Variants in CNTNAP2 observed in about 807,000 individuals in gnomAD.
CNTNAP2 encodes contactin associated protein 2, also known as contactin-associated protein-like 2.
A neutral mutation model predicts 155.2 loss-of-function variants in CNTNAP2; 98 were observed. The ratio of observed to expected loss-of-function variants is 0.63; its 90% confidence interval spans 0.54 to 0.75. CNTNAP2 has a LOEUF of 0.75. Among genes scored for constraint, CNTNAP2 ranks in the 30% least tolerant of loss-of-function variants. The probability of loss-of-function intolerance (pLI) is 0.00; values close to 1 mark genes in which losing one functional copy is unlikely to be tolerated. For missense variants in CNTNAP2, 1,727 were observed against 1,688.1 expected (o/e 1.02, Z -0.40); for synonymous variants, 651 against 631.2 (o/e 1.03, Z -0.47).
chr7:146,870,271 G>C (rs1315792886), intron 3 of CNTNAP2, among the ~76,000 whole-genome samples: 1 of 150,244 alleles, frequency 6.7e-6, no homozygotes, highest in Non-Finnish European at 1.5e-5. Context: ...GCTCATTATT[G>C]GTCTGTTTGG....
intron 8 of CNTNAP2, among the ~76,000 whole-genome samples, chr7:147,152,250 T>C (rs1036912882): frequency 3.3e-5 from 5 of 151,956 alleles, no homozygotes; most frequent in Non-Finnish European, 4.4e-5. Flanking sequence ...GGTTCTGTTC[T>C]CTGCCTTCTG....
At chr7:146,368,058 T>C (rs1584892028) in intron 1 of CNTNAP2, among the ~76,000 whole-genome samples, 1 of 152,222 alleles carries the variant, frequency 6.6e-6, no homozygotes, top group African/African-American at 2.4e-5. Flanking sequence ...AGTTCTTAGG[T>C]ACATCTATAT....
At chr7:147,962,089 C>T (rs964767502) in intron 14 of CNTNAP2, among the ~76,000 whole-genome samples, 26 of 152,232 alleles carry the variant, frequency 1.7e-4, no homozygotes, top group African/African-American at 4.8e-4. Flanking sequence ...AAATTATGTG[C>T]TCCTTGAAGA....
intron 18 of CNTNAP2, among the ~76,000 whole-genome samples, chr7:148,192,705 GC>G (rs1795219486): frequency 1.3e-5 from 2 of 152,178 alleles, no homozygotes; most frequent in African/African-American, 2.4e-5. Flanking sequence ...CGTGACACAT[GC>G]CAACTACTTT....
In CNTNAP2 at chr7:147,004,363, A is replaced by T. The variant is rs149124525; in HGVS notation, c.403-39544A>T. On this transcript the variant is annotated intron_variant, in intron 3 of 23. Transcript: ENST00000361727. The stretch of plus-strand genomic sequence containing the variant: ...TTTTCAGAATATACAAAGTTCTAAA[A>T]ATAAACCAGAAAATAATTGACCTTG... Among the ~76,000 whole-genome samples, 113 of 152,112 alleles carry T rather than the reference A, an allele frequency of 7.4e-4. 1 individual carries two copies. In the East Asian group the frequency reaches 0.02, roughly 27 times the overall value.
At chr7:147,739,745 C>T (rs909787642) in intron 13 of CNTNAP2, among the ~76,000 whole-genome samples, 10 of 151,948 alleles carry the variant, frequency 6.6e-5, no homozygotes, top group African/African-American at 2.4e-4. Context: ...TGCTGGCTCT[C>T]ATACATTTCT....
chr7:146,618,842 G>A lies in CNTNAP2; in HGVS notation c.98-155429G>A, dbSNP rs188544711. 6.6e-4 allele frequency among the ~76,000 whole-genome samples: 100 copies of A among 152,226 alleles called. No individual in the cohort carries two copies. The East Asian group carries it at 0.014, about 21-fold the overall frequency. ...CCCAGCACTTTGGGAGGCCGAGACA[G>A]GCGGATAACCTGAGGTCAGGAGTTC... On this transcript the variant is annotated intron_variant, in intron 1 of 23. Transcript: ENST00000361727.
intron 1 of CNTNAP2, among the ~76,000 whole-genome samples, chr7:146,763,939 C>T (rs1313143645): frequency 6.6e-6 from 1 of 152,138 alleles, no homozygotes; most frequent in African/African-American, 2.4e-5. Context: ...TTACTTAAGC[C>T]AAGTACACTG....
In CNTNAP2 at chr7:147,925,306, A is replaced by AGTG. The variant is rs1800376853; in HGVS notation, c.2255+21585_2255+21586insGTG. ...CAAGCGCGCGCGCACACACACACAC[A>AGTG]CACACACACACACACACACACACAC... On this transcript the variant is annotated intron_variant, in intron 14 of 23. Transcript: ENST00000361727. Among the ~76,000 whole-genome samples, 11 of 148,740 alleles carry AGTG rather than the reference A, an allele frequency of 7.4e-5. No individual in the cohort carries two copies. In the South Asian group the frequency reaches 8.9e-4, roughly 12 times the overall value.
intron 13 of CNTNAP2, among the ~76,000 whole-genome samples, chr7:147,829,401 T>C (rs1292193654): frequency 5.3e-5 from 8 of 152,214 alleles, no homozygotes; most frequent in African/African-American, 1.7e-4. Flanking sequence ...TAAGTGTCAA[T>C]AAGACAGATG....
At position 147,032,158 on chromosome 7, in the gene CNTNAP2, T is replaced by TA. The variant is rs201876583; in HGVS notation, c.403-11742dup. Among the ~76,000 whole-genome samples, 46 of 152,310 alleles carry TA rather than the reference T, an allele frequency of 3.0e-4. 1 individual carries two copies. In the East Asian group the frequency reaches 6.2e-3, roughly 20 times the overall value. Reference sequence around the variant, plus strand: ...TATTAAAAATTATTATCATTCTTTTTAAAAAAATGACGTATTGCTCCCTGA... The same window carrying TA: ...TATTAAAAATTATTATCATTCTTTTTAAAAAAAATGACGTATTGCTCCCTGA... On this transcript the variant is annotated intron_variant, in intron 3 of 23. Coordinates refer to ENST00000361727, the MANE Select transcript of CNTNAP2 (RefSeq NM_014141.6).
intron 1 of CNTNAP2, among the ~76,000 whole-genome samples, chr7:146,382,726 C>A (rs1280764884): frequency 6.6e-6 from 1 of 152,096 alleles, no homozygotes; most frequent in Non-Finnish European, 1.5e-5. Flanking sequence ...ATATCAGGAT[C>A]TGCTTAAACA....
At chr7:147,150,461 A>G (rs1465541653) in intron 8 of CNTNAP2, among the ~76,000 whole-genome samples, 1 of 152,216 alleles carries the variant, frequency 6.6e-6, no homozygotes, top group Non-Finnish European at 1.5e-5. Flanking sequence ...TAGAAAAAAA[A>G]GTAATAAACC....
At chr7:147,015,479 C>T (rs1798708452) in intron 3 of CNTNAP2, among the ~76,000 whole-genome samples, 1 of 151,770 alleles carries the variant, frequency 6.6e-6, no homozygotes, top group Admixed American at 6.6e-5. Context: ...AACACCATGC[C>T]CTATAACATC....
At chr7:147,158,803 G>A (rs1199717409) in intron 8 of CNTNAP2, among the ~76,000 whole-genome samples, 1 of 151,998 alleles carries the variant, frequency 6.6e-6, no homozygotes, top group Admixed American at 6.6e-5. Context: ...CATGCACCAA[G>A]CAATACACTT....
chr7:147,411,084 T>C (rs1797095095), intron 10 of CNTNAP2, among the ~76,000 whole-genome samples: 2 of 152,206 alleles, frequency 1.3e-5, no homozygotes, highest in Admixed American at 1.3e-4. Context: ...ACTGGCATCA[T>C]TCTGAAATCA....
At chr7:147,454,588 A>G (rs1797888880) in intron 10 of CNTNAP2, among the ~76,000 whole-genome samples, 1 of 152,158 alleles carries the variant, frequency 6.6e-6, no homozygotes, top group African/African-American at 2.4e-5. Context: ...AATAAAATTT[A>G]ACTTAAGGGC....
At chr7:147,899,407 C>T (rs975159675) in intron 13 of CNTNAP2, among the ~76,000 whole-genome samples, 7 of 152,150 alleles carry the variant, frequency 4.6e-5, no homozygotes, top group South Asian at 2.1e-4. Flanking sequence ...GCTGGGAAGA[C>T]GGGGAAGTAG....
intron 1 of CNTNAP2, among the ~76,000 whole-genome samples, chr7:146,593,489 T>C (rs1405379727): frequency 6.6e-6 from 1 of 152,106 alleles, no homozygotes; most frequent in African/African-American, 2.4e-5. Context: ...AACTCTATTT[T>C]TGTGCTTTTA....
Sources: allele counts gnomAD v4.1 joint callset (sites outside exome capture counted in the v4.1 genomes callset), GRCh38; gene constraint gnomAD v4.1.1; transcripts MANE v1.5; gene names NCBI Gene and HGNC (gene_info 2026-07-23, HGNC 2026-07-21).